RYR3: variants seen among roughly 807,000 people sequenced by gnomAD.
The protein encoded by RYR3 is brain ryanodine receptor-calcium release channel.
RYR3 carries 207 observed loss-of-function variants against 584.3 expected under a neutral mutation model. That is an observed-to-expected ratio of 0.35 (90% CI 0.32 to 0.40). The LOEUF (loss-of-function observed/expected upper bound fraction) is 0.40. Ranked by LOEUF, RYR3 falls within the 10% of genes least tolerant of loss-of-function variation. RYR3 has a pLI of 1.00. For missense variants in RYR3, 5,616 were observed against 6,089.2 expected (o/e 0.92, Z 2.59); for synonymous variants, 2,416 against 2,248.5 (o/e 1.07, Z -2.11).
intron 12 of RYR3, among the ~76,000 whole-genome samples, chr15:33,576,647 A>C (rs187487680): frequency 1.5e-4 from 23 of 152,352 alleles, no homozygotes; most frequent in Non-Finnish European, 2.6e-4. Flanking sequence ...TGACAAACCC[A>C]CAGTCAATAT....
At chr15:33,859,514 G>A (rs80248888) in intron 99 of RYR3, 61 bp from the exon 100 acceptor site, 58,803 of 1,578,218 alleles carry the variant, frequency 0.037, 1,456 homozygotes, top group Non-Finnish European at 0.039. Flanking sequence ...AATGATCTGA[G>A]CATCTTGCTA....
intron 62 of RYR3, among the ~76,000 whole-genome samples, chr15:33,771,010 A>T (rs2073524100): frequency 6.6e-6 from 1 of 152,214 alleles, no homozygotes; most frequent in East Asian, 1.9e-4. Context: ...TCCATAGCTG[A>T]TCTTCATCCC....
chr15:33,452,988 G>T (rs2047250728), intron 1 of RYR3, among the ~76,000 whole-genome samples: 1 of 152,134 alleles, frequency 6.6e-6, no homozygotes, highest in Non-Finnish European at 1.5e-5. Context: ...ACCAACATTT[G>T]CCAGAAGCCT....
intron 1 of RYR3, among the ~76,000 whole-genome samples, chr15:33,423,997 T>C (rs894719874): frequency 6.6e-6 from 1 of 152,244 alleles, no homozygotes; most frequent in Non-Finnish European, 1.5e-5. Flanking sequence ...GCTAGTACTC[T>C]TGGTGAACTC....
chr15:33,825,768 T>C, intron 82 of RYR3, 92 bp downstream of exon 82: 1 of 845,702 alleles, frequency 1.2e-6, no homozygotes, highest in Admixed American at 2.6e-5. Flanking sequence ...GTTTCGCTCT[T>C]GTTGCTCAGG....
chr15:33,758,657 A>G (rs1454536172), intron 60 of RYR3, among the ~76,000 whole-genome samples: 1 of 152,174 alleles, frequency 6.6e-6, no homozygotes, highest in African/African-American at 2.4e-5. Flanking sequence ...CGGATTGTAG[A>G]CAAAACTCCC....
chr15:33,490,447 C>A (rs2050869141), intron 2 of RYR3, among the ~76,000 whole-genome samples: 1 of 152,138 alleles, frequency 6.6e-6, no homozygotes, highest in South Asian at 2.1e-4. Flanking sequence ...CAAAATAGAA[C>A]AGAATATCAT....
chr15:33,672,991 A>G (rs2063940018), intron 38 of RYR3, among the ~76,000 whole-genome samples: 1 of 152,226 alleles, frequency 6.6e-6, no homozygotes, highest in Admixed American at 6.5e-5. Context: ...TAAAGTGAGT[A>G]AAGCTATGGC....
chr15:33,379,488 C>G (rs1383543349), intron 1 of RYR3, among the ~76,000 whole-genome samples: 1 of 151,988 alleles, frequency 6.6e-6, no homozygotes, highest in Non-Finnish European at 1.5e-5. Flanking sequence ...CTTGAACTGT[C>G]CTGCTACCCT....
At chr15:33,787,149 A>G (rs2074782658) in intron 66 of RYR3, among the ~76,000 whole-genome samples, 1 of 152,252 alleles carries the variant, frequency 6.6e-6, no homozygotes, top group Non-Finnish European at 1.5e-5. Flanking sequence ...AGGTGAATCT[A>G]GACTTCATTC....
chr15:33,840,303 A>G (rs1235876908), intron 89 of RYR3, among the ~76,000 whole-genome samples: 1 of 152,222 alleles, frequency 6.6e-6, no homozygotes, highest in Non-Finnish European at 1.5e-5. Context: ...GGTGTGGGAC[A>G]CGAGTCAAAT....
rs913517466 is a variant in RYR3, at chr15:33,601,446, C to T, written c.1816C>T (p.Leu606Phe). 3.1e-6 allele frequency: 5 copies of T among 1,613,062 alleles called. No homozygotes were observed. Among genetic ancestry groups the T allele is most frequent in the Non-Finnish European group, 4.2e-6 (5 of 1,179,582 alleles). ...TCTGGATATCCTGTGCTCCCTCTGT[C>T]TCTGCAATGGGGTTGCAGTGAGAGC... ...KVLDILCSLC[L>F]CNGVAVRANQ... The change falls in exon 17 of 104, where the codon CTC becomes TTC. Residue 606 changes from leucine to phenylalanine, a missense_variant. Physicochemically the swap from Leu to Phe is conservative, Grantham distance 22. Transcript: ENST00000634891.
chr15:33,601,826 C>T (rs539558803), intron 17 of RYR3, among the ~76,000 whole-genome samples: 83 of 152,268 alleles, frequency 5.5e-4, no homozygotes, highest in Admixed American at 3.9e-3. Flanking sequence ...GGTGGCCTAC[C>T]GTGTTTTCTT....
intron 1 of RYR3, among the ~76,000 whole-genome samples, chr15:33,327,479 T>C (rs993408699): frequency 6.6e-6 from 1 of 152,188 alleles, no homozygotes; most frequent in Non-Finnish European, 1.5e-5. Flanking sequence ...TTATATCTAA[T>C]AGTGAAGAAA....
At chr15:33,547,445 C>A (rs564949237) in intron 8 of RYR3, among the ~76,000 whole-genome samples, 1 of 152,150 alleles carries the variant, frequency 6.6e-6, no homozygotes, top group African/African-American at 2.4e-5. Context: ...TTTTGACAAA[C>A]GTACCCTGGT....
chr15:33,686,940 T>C (rs1012706716), intron 38 of RYR3, among the ~76,000 whole-genome samples: 6 of 152,222 alleles, frequency 3.9e-5, no homozygotes, highest in Non-Finnish European at 7.3e-5. Flanking sequence ...AAGAGCTGTC[T>C]ATGACAAACC....
intron 13 of RYR3, 44 bp downstream of exon 13, chr15:33,580,188 G>A: frequency 6.9e-7 from 1 of 1,445,598 alleles, no homozygotes; most frequent in Non-Finnish European, 9.5e-7. Flanking sequence ...AGTGTCCAGA[G>A]CTAGAATATC....
At chr15:33,815,155 A>C (rs1055412058) in intron 74 of RYR3, among the ~76,000 whole-genome samples, 2 of 152,196 alleles carry the variant, frequency 1.3e-5, no homozygotes, top group African/African-American at 4.8e-5. Flanking sequence ...TATCTTTGGA[A>C]GAGAATGAGG....
chr15:33,590,530 C>A (rs2059078137), intron 16 of RYR3, among the ~76,000 whole-genome samples: 1 of 152,108 alleles, frequency 6.6e-6, no homozygotes, highest in Non-Finnish European at 1.5e-5. Context: ...TTCTTCTGAT[C>A]CATGAGCATG....
Sources: allele counts gnomAD v4.1 joint callset (sites outside exome capture counted in the v4.1 genomes callset), GRCh38; gene constraint gnomAD v4.1.1; transcripts MANE v1.5; gene names NCBI Gene and HGNC (gene_info 2026-07-23, HGNC 2026-07-21).